Variants in STK39 observed in about 807,000 individuals in gnomAD.
STK39 encodes serine/threonine kinase 39, also known as STE20/SPS1-related proline-alanine-rich protein kinase.
Under a neutral mutation model 77.8 loss-of-function variants are expected in STK39, and 20 were observed. That is an observed-to-expected ratio of 0.26 (90% confidence interval 0.18 to 0.37). STK39 has a LOEUF of 0.37. STK39 is among the 10% of genes least tolerant of loss of function. The pLI is 1.00. For missense variants in STK39, 479 were observed against 656.5 expected (o/e 0.73, Z 2.95); for synonymous variants, 246 against 234.1 (o/e 1.05, Z -0.47).
chr2:168,071,000 C>T (rs552730727), intron 12 of STK39, among the ~76,000 whole-genome samples: 6 of 152,248 alleles, frequency 3.9e-5, no homozygotes, highest in African/African-American at 1.4e-4. Flanking sequence ...TGACAAACAT[C>T]CCACTCTGGC....
rs1252420979 is a variant in STK39 at position 168,039,622 on chromosome 2, A to AG, written c.1377-22528dup. The stretch of plus-strand genomic sequence containing the variant: ...TCCAAAAAAAAAAAAAAAAAAAAAA[A>AG]GCAGATCAGTGACTGCCTTTGCCAG... On this transcript the variant is annotated intron_variant, in intron 14 of 17. Transcript: ENST00000355999. 4.4e-4 allele frequency among the ~76,000 whole-genome samples: 67 copies of AG among 151,132 alleles called. 10 individuals are homozygous for AG. The highest frequency in any genetic ancestry group is 1.6e-3 in the African/African-American group (65 of 40,952).
At chr2:168,062,222 A>G (rs941152543) in intron 14 of STK39, among the ~76,000 whole-genome samples, 1 of 152,190 alleles carries the variant, frequency 6.6e-6, no homozygotes, top group African/African-American at 2.4e-5. Context: ...CTACACCTCA[A>G]TGACAACATG....
chr2:168,085,108 A>T (rs1686331494), intron 10 of STK39, among the ~76,000 whole-genome samples: 1 of 152,244 alleles, frequency 6.6e-6, no homozygotes, highest in East Asian at 1.9e-4. Context: ...ATCGTACTAC[A>T]AAATACTGCC....
At chr2:167,961,538 TA>T (rs1691959708) in intron 17 of STK39, among the ~76,000 whole-genome samples, 1 of 152,062 alleles carries the variant, frequency 6.6e-6, no homozygotes, top group Non-Finnish European at 1.5e-5. Context: ...AAAAATGGCT[TA>T]AAAATAAAGA....
At position 168,134,512 on chromosome 2, in the gene STK39, C is replaced by CAA. The variant is rs34222654; in HGVS notation, c.974+3574_974+3575dup. On this transcript the variant is annotated intron_variant, in intron 8 of 17. Coordinates refer to ENST00000355999, the MANE Select transcript of STK39 (RefSeq NM_013233.3). ...CAATGCAACATCATCCCCCTTGTTG[C>CAA]AAAAAAAAAAAAAAAAGTTGGTTCT... Among the ~76,000 whole-genome samples, 1,245 of 128,420 alleles carry CAA rather than the reference C, an allele frequency of 9.7e-3. 13 individuals are homozygous for CAA. Among genetic ancestry groups the CAA allele is most frequent in the Middle Eastern group, 0.031 (7 of 228 alleles). The allele number at this position is 128,420 out of a possible 152,430, so 84.2% of individuals were successfully genotyped here. A position where few individuals can be genotyped will look rare whatever the true frequency, so the allele number is the denominator to read the frequency against.
chr2:167,967,337 A>G (rs889773963), intron 16 of STK39, among the ~76,000 whole-genome samples: 3 of 152,086 alleles, frequency 2.0e-5, no homozygotes, highest in Non-Finnish European at 2.9e-5. Flanking sequence ...AATAATATGC[A>G]CTGAGGCCCC....
intron 16 of STK39, among the ~76,000 whole-genome samples, chr2:167,965,882 C>A (rs920516026): frequency 1.3e-5 from 2 of 152,034 alleles, no homozygotes; most frequent in Non-Finnish European, 1.5e-5. Context: ...TCTCTAAGGT[C>A]GACTGACAAC....
At chr2:168,028,693 A>G (rs1383956012) in intron 14 of STK39, among the ~76,000 whole-genome samples, 1 of 152,206 alleles carries the variant, frequency 6.6e-6, no homozygotes, top group Admixed American at 6.5e-5. Context: ...ACCAGCCTTC[A>G]TTAACATTAT....
At chr2:168,120,214 C>G (rs2105487437) in intron 10 of STK39, among the ~76,000 whole-genome samples, 1 of 152,326 alleles carries the variant, frequency 6.6e-6, no homozygotes, top group South Asian at 2.1e-4. Flanking sequence ...ATACTCAGAA[C>G]TTTACTGATT....
At chr2:168,186,472 A>C (rs1394900115) in intron 1 of STK39, among the ~76,000 whole-genome samples, 1 of 152,208 alleles carries the variant, frequency 6.6e-6, no homozygotes, top group Non-Finnish European at 1.5e-5. Flanking sequence ...TTAAGTCAAC[A>C]GCAAATGGCA....
intron 2 of STK39, among the ~76,000 whole-genome samples, chr2:168,168,938 G>A (rs529104459): frequency 2.6e-5 from 4 of 152,238 alleles, no homozygotes; most frequent in Middle Eastern, 3.4e-3. Flanking sequence ...AGCTGAGATC[G>A]TGCCACTGGA....
chr2:167,974,084 T>G (rs1683195791), intron 16 of STK39, among the ~76,000 whole-genome samples: 1 of 152,188 alleles, frequency 6.6e-6, no homozygotes, highest in East Asian at 1.9e-4. Context: ...TGGCTTTCTC[T>G]CTTAAACAAA....
intron 1 of STK39, among the ~76,000 whole-genome samples, chr2:168,212,965 C>A (rs1443574001): frequency 6.6e-6 from 1 of 152,204 alleles, no homozygotes; most frequent in African/African-American, 2.4e-5. Context: ...GGAGGAGAAT[C>A]TGCCTCTGCC....
chr2:168,176,265 A>G (rs1400015214), intron 2 of STK39, among the ~76,000 whole-genome samples: 2 of 152,198 alleles, frequency 1.3e-5, no homozygotes, highest in Non-Finnish European at 2.9e-5. Flanking sequence ...TAAATTTGCT[A>G]AAACACTGCA....
intron 16 of STK39, among the ~76,000 whole-genome samples, chr2:167,994,629 C>G (rs1244694737): frequency 6.6e-6 from 1 of 152,198 alleles, no homozygotes; most frequent in Non-Finnish European, 1.5e-5. Flanking sequence ...CCAGCAACCA[C>G]AAATCTACTT....
chr2:168,066,820 C>T (rs1298674688), intron 12 of STK39, among the ~76,000 whole-genome samples: 1 of 152,232 alleles, frequency 6.6e-6, no homozygotes, highest in African/African-American at 2.4e-5. Flanking sequence ...CACTCTGATG[C>T]ACAGCAATAT....
At chr2:168,198,947 G>A (rs1254465249) in intron 1 of STK39, among the ~76,000 whole-genome samples, 1 of 152,172 alleles carries the variant, frequency 6.6e-6, no homozygotes, top group Non-Finnish European at 1.5e-5. Context: ...TTTCATTTAA[G>A]GCTTGCTAAC....
chr2:168,189,697 A>G (rs1689292189), intron 1 of STK39, among the ~76,000 whole-genome samples: 1 of 152,178 alleles, frequency 6.6e-6, no homozygotes, highest in Admixed American at 6.5e-5. Context: ...TCTTAATGAA[A>G]CACAATAGAT....
intron 10 of STK39, among the ~76,000 whole-genome samples, chr2:168,085,354 C>T (rs1192478393): frequency 3.3e-5 from 5 of 152,216 alleles, no homozygotes; most frequent in Non-Finnish European, 4.4e-5. Flanking sequence ...GGCTAGACTC[C>T]AGAACTCCCA....
Sources: allele counts gnomAD v4.1 joint callset (sites outside exome capture counted in the v4.1 genomes callset), GRCh38; gene constraint gnomAD v4.1.1; transcripts MANE v1.5; gene names NCBI Gene and HGNC (gene_info 2026-07-23, HGNC 2026-07-21).